The following LRBA variants were observed in gnomAD, a reference collection of about 807,000 sequenced individuals.
LRBA encodes the protein lipopolysaccharide-responsive and beige-like anchor protein.
Under a neutral mutation model 330.0 loss-of-function variants are expected in LRBA, and 176 were observed. The observed-to-expected ratio is 0.53, with a 90% CI of 0.47 to 0.60. The LOEUF (loss-of-function observed/expected upper bound fraction) is 0.60, where lower values mean the gene tolerates loss of function less well. LRBA is among the 20% of genes least tolerant of loss of function. LRBA has a pLI of 0.00. For missense variants in LRBA, 3,259 were observed against 3,444.8 expected, an observed-to-expected ratio of 0.95 and a Z score of 1.35; for synonymous variants, 1,230 against 1,193.0, an observed-to-expected ratio of 1.03 and a Z score of -0.64.
chr4:150,557,738 T>A (rs1767513334), intron 40 of LRBA, among the ~76,000 whole-genome samples: 1 of 152,202 alleles, frequency 6.6e-6, no homozygotes, highest in Non-Finnish European at 1.5e-5. Context: ...AGAGGTATAG[T>A]GCCATCCGCA....
chr4:150,883,856 G>A (rs1029611405), intron 17 of LRBA, among the ~76,000 whole-genome samples: 2 of 152,046 alleles, frequency 1.3e-5, no homozygotes, highest in African/African-American at 4.8e-5. Flanking sequence ...ATAAATAAAA[G>A]ACTGAGAAAG....
intron 34 of LRBA, among the ~76,000 whole-genome samples, chr4:150,788,603 T>C (rs1739431254): frequency 6.6e-6 from 1 of 151,214 alleles, no homozygotes; most frequent in African/African-American, 2.4e-5. Context: ...TCTACAAAAA[T>C]ACAAAAATTA....
chr4:150,556,012 G>A (rs775759171), intron 40 of LRBA, among the ~76,000 whole-genome samples: 1 of 151,860 alleles, frequency 6.6e-6, no homozygotes. Context: ...TATGTTGTCT[G>A]GGATGGTCAC....
chr4:150,338,502 G>C (rs1308748878), intron 48 of LRBA, among the ~76,000 whole-genome samples: 1 of 152,084 alleles, frequency 6.6e-6, no homozygotes, highest in Non-Finnish European at 1.5e-5. Flanking sequence ...GTATCTTTCA[G>C]CCTTTGAAGC....
At chr4:150,773,815 C>G (rs1736903159) in intron 34 of LRBA, among the ~76,000 whole-genome samples, 1 of 152,208 alleles carries the variant, frequency 6.6e-6, no homozygotes, top group Non-Finnish European at 1.5e-5. Flanking sequence ...CGAAGACTCA[C>G]TAGGCCTATT....
intron 53 of LRBA, among the ~76,000 whole-genome samples, chr4:150,291,980 A>G (rs1728355917): frequency 1.3e-5 from 2 of 152,234 alleles, no homozygotes; most frequent in Non-Finnish European, 2.9e-5. Context: ...AGAACAAAAA[A>G]CCAAACACCG....
intron 44 of LRBA, among the ~76,000 whole-genome samples, chr4:150,467,374 T>C (rs1251143271): frequency 1.3e-5 from 2 of 152,110 alleles, no homozygotes; most frequent in African/African-American, 4.8e-5. Context: ...AGTGTCTCTT[T>C]ATAGAATGAG....
intron 17 of LRBA, among the ~76,000 whole-genome samples, chr4:150,883,135 C>T (rs1431413921): frequency 6.6e-6 from 1 of 152,112 alleles, no homozygotes; most frequent in Non-Finnish European, 1.5e-5. Context: ...TTTCTTAATT[C>T]ACCTCTGTTT....
At chr4:150,916,571 G>A in intron 6 of LRBA, 44 bp from the exon 7 acceptor site, 1 of 1,607,628 alleles carries the variant, frequency 6.2e-7, no homozygotes, top group Non-Finnish European at 8.5e-7. Context: ...ATTCTTCTCA[G>A]TTTCAAAGTA....
chr4:150,680,185 CCAGGTGA>C (rs1376054060), intron 37 of LRBA, among the ~76,000 whole-genome samples: 1 of 152,196 alleles, frequency 6.6e-6, no homozygotes, highest in African/African-American at 2.4e-5. Flanking sequence ...GAGCCTCACT[CCAGGTGA>C]CAGTAATGTA....
intron 40 of LRBA, among the ~76,000 whole-genome samples, chr4:150,555,108 G>C (rs898334136): frequency 1.3e-5 from 2 of 152,016 alleles, no homozygotes; most frequent in African/African-American, 4.8e-5. Flanking sequence ...AAAATATCTA[G>C]GGTTACTCTT....
intron 40 of LRBA, among the ~76,000 whole-genome samples, chr4:150,518,072 A>G (rs1762549232): frequency 1.3e-5 from 2 of 152,198 alleles, no homozygotes; most frequent in South Asian, 4.1e-4. Flanking sequence ...TTCTTCTTTC[A>G]GTTCGAGAAC....
intron 40 of LRBA, among the ~76,000 whole-genome samples, chr4:150,508,177 G>T: frequency 8.0e-6 from 1 of 124,228 alleles, no homozygotes; most frequent in Admixed American, 1.0e-4. Flanking sequence ...GTATACATAT[G>T]TAACAAACCT....
chr4:150,887,456 G>GA (rs928728209), intron 17 of LRBA, among the ~76,000 whole-genome samples: 58 of 152,114 alleles, frequency 3.8e-4, no homozygotes, highest in African/African-American at 1.4e-3. Context: ...AGCAAAAATT[G>GA]AAAAAATAAG....
At chr4:150,523,001 C>T (rs1274475426) in intron 40 of LRBA, among the ~76,000 whole-genome samples, 3 of 152,050 alleles carry the variant, frequency 2.0e-5, no homozygotes, top group Admixed American at 6.5e-5. Context: ...ATTTTGAAGG[C>T]GGTAACTTGT....
chr4:150,936,673 T>TAG (rs1735108860), intron 2 of LRBA, among the ~76,000 whole-genome samples: 1 of 152,030 alleles, frequency 6.6e-6, no homozygotes, highest in Non-Finnish European at 1.5e-5. Flanking sequence ...ATCATCTAGA[T>TAG]ACAACAATAA....
intron 37 of LRBA, among the ~76,000 whole-genome samples, chr4:150,613,972 C>T (rs780429159): frequency 1.3e-5 from 2 of 152,198 alleles, no homozygotes; most frequent in African/African-American, 2.4e-5. Context: ...CCTCTGACCT[C>T]GTGTCCATAA....
At chr4:150,597,600 T>C (rs897816421) in intron 38 of LRBA, among the ~76,000 whole-genome samples, 1 of 151,590 alleles carries the variant, frequency 6.6e-6, no homozygotes, top group Non-Finnish European at 1.5e-5. Flanking sequence ...GACAGAAAAA[T>C]AATTAAATTT....
chr4:150,595,606 C>T (rs890236460), intron 38 of LRBA, among the ~76,000 whole-genome samples: 13 of 151,838 alleles, frequency 8.6e-5, no homozygotes, highest in African/African-American at 2.9e-4. Flanking sequence ...ATCTTTCTAC[C>T]GTTTAAAACA....
Sources: allele counts gnomAD v4.1 joint callset (sites outside exome capture counted in the v4.1 genomes callset), GRCh38; gene constraint gnomAD v4.1.1; transcripts MANE v1.5; gene names NCBI Gene and HGNC (gene_info 2026-07-23, HGNC 2026-07-21).